DNAH11: variants seen among roughly 807,000 people sequenced by gnomAD.
The protein encoded by DNAH11 is dynein axonemal heavy chain 11, also known as axonemal beta dynein heavy chain 11.
DNAH11 carries 442 observed loss-of-function variants against 526.0 expected under a neutral mutation model. The observed-to-expected ratio is 0.84, with a 90% CI of 0.78 to 0.91. The LOEUF (loss-of-function observed/expected upper bound fraction) is 0.91. Ranked by LOEUF, DNAH11 falls within the 40% of genes least tolerant of loss-of-function variation. The probability of loss-of-function intolerance (pLI) is 0.00; values close to 1 mark genes in which losing one functional copy is unlikely to be tolerated. For synonymous variants in DNAH11, 2,461 were observed against 1,935.9 expected, an observed-to-expected ratio of 1.27 and a Z score of -7.12; for missense variants, 6,989 against 5,448.7, an observed-to-expected ratio of 1.28 and a Z score of -8.90.
intron 35 of DNAH11, among the ~76,000 whole-genome samples, chr7:21,694,731 G>A (rs1783775889): frequency 6.6e-6 from 1 of 152,082 alleles, no homozygotes; most frequent in Non-Finnish European, 1.5e-5. Flanking sequence ...GGGATTGCTG[G>A]GTCAAATGGT....
In DNAH11 at chr7:21,726,053, G is replaced by A. The variant is rs1284950115; in HGVS notation, c.7440+69G>A. On this transcript the variant is annotated intron_variant, in intron 45 of 81. Transcript: ENST00000409508. ...TTGCTATAAAAAATACCTGCAACTG[G>A]GTAATTTATAAAGAAAAGAGGTTTA... 8 of 1,375,800 alleles carry A rather than the reference G, an allele frequency of 5.8e-6. No individual in the cohort carries two copies. In the African/African-American group the frequency reaches 6.0e-5, roughly 10 times the overall value. 85.2% of individuals were successfully genotyped at this position (1,375,800 alleles called of 1,614,324 possible). A position where few individuals can be genotyped will look rare whatever the true frequency, so the allele number is the denominator to read the frequency against.
chr7:21,561,686 T>C (rs543850217), intron 5 of DNAH11, among the ~76,000 whole-genome samples: 8 of 152,140 alleles, frequency 5.3e-5, no homozygotes, highest in South Asian at 2.1e-4. Flanking sequence ...TAAAATGATA[T>C]CCAGTCGAAA....
chr7:21,870,186 G>A (rs377375495), intron 73 of DNAH11, among the ~76,000 whole-genome samples: 4 of 152,210 alleles, frequency 2.6e-5, no homozygotes, highest in Admixed American at 6.5e-5. Flanking sequence ...TGGTACTTCA[G>A]TCTAGGACTG....
intron 61 of DNAH11, among the ~76,000 whole-genome samples, chr7:21,799,338 A>G (rs1248239783): frequency 1.3e-5 from 2 of 151,338 alleles, no homozygotes; most frequent in African/African-American, 2.4e-5. Flanking sequence ...CTTCAATCTT[A>G]TTTCTTTTTT....
intron 79 of DNAH11, among the ~76,000 whole-genome samples, chr7:21,897,439 A>ACTT (rs35496014): frequency 0.5 from 75,629 of 151,674 alleles, 19,452 homozygotes; most frequent in Non-Finnish European, 0.57. Context: ...AAGCTAGCAT[A>ACTT]CTTCTTTTCC....
chr7:21,740,623 G>A (rs1384146009), intron 48 of DNAH11, among the ~76,000 whole-genome samples: 7 of 152,090 alleles, frequency 4.6e-5, no homozygotes, highest in South Asian at 2.1e-4. Flanking sequence ...TTATTCATTC[G>A]TTGATGGACA....
At position 21,901,250 on chromosome 7, in the gene DNAH11, C is replaced by T. The variant is rs72658840; in HGVS notation, c.13547C>T (p.Ala4516Val). The change falls in exon 82 of 82, where the codon GCG becomes GTG. Residue 4516 changes from alanine (A) to valine (V), a missense_variant. Physicochemically the swap from Ala to Val is moderately conservative, Grantham distance 64. Transcript: ENST00000409508. ...VLAGVALLLE[A>V] ...GCTGGAGTGGCTCTGCTTCTAGAAG[C>T]GTAAGGTAACACTGGCATTCCTCTA... The T allele has an allele frequency of 5.4e-3, 8,579 of 1,601,468 alleles. 310 individuals are homozygous for T. The African/African-American group carries it at 0.087, about 16-fold the overall frequency.
At chr7:21,809,655 C>T (rs1043783658) in intron 63 of DNAH11, among the ~76,000 whole-genome samples, 13 of 152,116 alleles carry the variant, frequency 8.5e-5, no homozygotes, top group Admixed American at 2.0e-4. Context: ...CCTCCGCCCC[C>T]GAGGTTCAAG....
chr7:21,692,585 T>C (rs1194101051), intron 35 of DNAH11, among the ~76,000 whole-genome samples: 3 of 152,198 alleles, frequency 2.0e-5, no homozygotes, highest in Admixed American at 2.0e-4. Flanking sequence ...GATGGACACT[T>C]GGGCTGTTTC....
chr7:21,718,605 A>G (rs2965412), intron 43 of DNAH11, among the ~76,000 whole-genome samples: 12,331 of 152,190 alleles, frequency 0.081, 1,237 homozygotes, highest in East Asian at 0.34. Flanking sequence ...ATGGAAGCCA[A>G]TGAAAATAAT....
chr7:21,738,886 T>G lies in DNAH11; in HGVS notation c.7811+20T>G. 6.5e-7 allele frequency: 1 copy of G among 1,545,864 alleles called. No individual in the cohort carries two copies. The highest frequency in any genetic ancestry group is 1.3e-5 in the South Asian group (1 of 77,152). ...ACATTGGTAAGCAAGTCTCTGTAGT[T>G]TACTCTCTCCCAAAATCTAATAATT... is the stretch of plus-strand genomic sequence containing the variant. On this transcript the variant is annotated intron_variant, in intron 47 of 81. Coordinates refer to ENST00000409508, the MANE Select transcript of DNAH11 (RefSeq NM_001277115.2).
intron 58 of DNAH11, among the ~76,000 whole-genome samples, 170 bp from the exon 59 acceptor site, chr7:21,786,454 C>T (rs145921742): frequency 6.6e-5 from 10 of 152,228 alleles, no homozygotes; most frequent in African/African-American, 1.7e-4. Context: ...AAGAACTGAA[C>T]CTCCTGGAGT....
chr7:21,546,236 C>G (rs1219035608), intron 2 of DNAH11, among the ~76,000 whole-genome samples: 1 of 152,154 alleles, frequency 6.6e-6, no homozygotes, highest in African/African-American at 2.4e-5. Flanking sequence ...GAGGTATTTT[C>G]CTGCTGGACT....
intron 28 of DNAH11, among the ~76,000 whole-genome samples, chr7:21,640,211 A>G (rs1787059097): frequency 6.6e-6 from 1 of 152,204 alleles, no homozygotes; most frequent in Non-Finnish European, 1.5e-5. Flanking sequence ...TTGACTATGA[A>G]TCTACTATAT....
chr7:21,840,664 T>G (rs964255084), intron 65 of DNAH11, among the ~76,000 whole-genome samples: 1 of 152,178 alleles, frequency 6.6e-6, no homozygotes, highest in Non-Finnish European at 1.5e-5. Context: ...ACCATGAAGC[T>G]TGTATGAAAA....
At chr7:21,791,350 A>G (rs1318281272) in intron 61 of DNAH11, among the ~76,000 whole-genome samples, 1 of 152,210 alleles carries the variant, frequency 6.6e-6, no homozygotes, top group African/African-American at 2.4e-5. Flanking sequence ...CATTGGATGC[A>G]CTCAGGTGAG....
At chr7:21,756,749 C>A (rs970190035) in intron 54 of DNAH11, among the ~76,000 whole-genome samples, 1 of 152,052 alleles carries the variant, frequency 6.6e-6, no homozygotes, top group African/African-American at 2.4e-5. Flanking sequence ...TCTGGCTGAA[C>A]TTTAAAATCA....
intron 32 of DNAH11, 85 bp downstream of exon 32, chr7:21,684,029 G>C: frequency 2.2e-4 from 282 of 1,278,814 alleles, no homozygotes; most frequent in Non-Finnish European, 2.8e-4. Flanking sequence ...GGAATGAGAG[G>C]AAACGATGAA....
At chr7:21,691,771 C>A (rs1293097403) in intron 35 of DNAH11, among the ~76,000 whole-genome samples, 1 of 152,058 alleles carries the variant, frequency 6.6e-6, no homozygotes, top group Non-Finnish European at 1.5e-5. Flanking sequence ...CTAAAATAGT[C>A]CCTCTCATGC....
Sources: allele counts gnomAD v4.1 joint callset (sites outside exome capture counted in the v4.1 genomes callset), GRCh38; gene constraint gnomAD v4.1.1; transcripts MANE v1.5; gene names NCBI Gene and HGNC (gene_info 2026-07-23, HGNC 2026-07-21).